Variants in PRR14L observed in about 807,000 individuals in gnomAD.
The protein encoded by PRR14L is protein PRR14L.
A neutral mutation model predicts 155.0 loss-of-function variants in PRR14L; 80 were observed. That is an observed-to-expected ratio of 0.52 (90% CI 0.43 to 0.62). The LOEUF is 0.62. Among genes scored for constraint, PRR14L ranks in the 20% least tolerant of loss-of-function variants. PRR14L has a pLI of 0.00. For missense variants in PRR14L, 2,469 were observed against 2,548.0 expected, an observed-to-expected ratio of 0.97 and a Z score of 0.67; for synonymous variants, 883 against 916.0, an observed-to-expected ratio of 0.96 and a Z score of 0.65.
At chr22:31,697,362 T>A (rs2074540361) in intron 7 of PRR14L, among the ~76,000 whole-genome samples, 1 of 150,856 alleles carries the variant, frequency 6.6e-6, no homozygotes, top group South Asian at 2.1e-4. Context: ...TGATTTCAGG[T>A]ATCTCATGGA....
At position 31,713,388 on chromosome 22, in the gene PRR14L, G is replaced by A; in HGVS notation, c.4451C>T (p.Thr1484Ile). The A allele has an allele frequency of 5.8e-6, 9 of 1,552,016 alleles. No individual in the cohort carries two copies. Among genetic ancestry groups the A allele is most frequent in the Non-Finnish European group, 7.8e-6 (9 of 1,147,058 alleles). Residue 1484 changes from threonine to isoleucine, a missense_variant, in exon 4 of 9, where the codon ACA becomes ATA. Transcript: ENST00000327423. ...AGGGGCACCAAGAAGGCAAGGACTT[G>A]TGCATGACTCAGTGTCCTTCCTTAA... ...HPLRKDTESC[T>I]SPCLLGAPRK... is the part of the protein sequence containing the mutation.
intron 1 of PRR14L, among the ~76,000 whole-genome samples, chr22:31,745,064 TA>T (rs2074830675): frequency 6.6e-6 from 1 of 152,122 alleles, no homozygotes; most frequent in Non-Finnish European, 1.5e-5. Context: ...GAGGTGATAT[TA>T]AATGCAAGCC....
intron 4 of PRR14L, among the ~76,000 whole-genome samples, chr22:31,706,428 C>CT (rs771902267): frequency 0.013 from 1,899 of 142,206 alleles, 68 homozygotes; most frequent in African/African-American, 0.041. Context: ...TAAACTCTTC[C>CT]TTTTTCTTTT....
At chr22:31,738,362 T>G in intron 2 of PRR14L, 25 bp downstream of exon 2, 4 of 1,534,012 alleles carry the variant, frequency 2.6e-6, no homozygotes, top group Non-Finnish European at 3.5e-6. Flanking sequence ...ACTCAACTCT[T>G]CGGAATGGAG....
chr22:31,705,442 C>T (rs560373672), intron 4 of PRR14L, among the ~76,000 whole-genome samples: 2 of 151,572 alleles, frequency 1.3e-5, no homozygotes, highest in Non-Finnish European at 2.9e-5. Context: ...GGTGTGATCT[C>T]GGCTCACTGC....
At chr22:31,712,032 A>G (rs1321156820) in intron 4 of PRR14L, 51 bp downstream of exon 4, 1 of 1,512,910 alleles carries the variant, frequency 6.6e-7, no homozygotes, top group African/African-American at 1.4e-5. Context: ...ATCTCCCCAG[A>G]GACAGGAAGC....
At chr22:31,701,806 A>T in intron 6 of PRR14L, 44 bp from the exon 7 acceptor site, 1 of 1,461,618 alleles carries the variant, frequency 6.8e-7, no homozygotes, top group Non-Finnish European at 9.5e-7. Context: ...GCTGTAAGAC[A>T]TTTTATTTAT....
chr22:31,732,543 C>T (rs1463007676), intron 2 of PRR14L, among the ~76,000 whole-genome samples: 2 of 152,204 alleles, frequency 1.3e-5, no homozygotes, highest in Non-Finnish European at 2.9e-5. Flanking sequence ...ATATTTCATA[C>T]GTGTTGTCAC....
chr22:31,711,616 T>C (rs2074622587), intron 4 of PRR14L, among the ~76,000 whole-genome samples: 1 of 151,342 alleles, frequency 6.6e-6, no homozygotes, highest in Non-Finnish European at 1.5e-5. Context: ...CCCCCGTCTC[T>C]ACTAAAAAAT....
chr22:31,697,006 G>A (rs962083495), intron 7 of PRR14L, among the ~76,000 whole-genome samples: 5 of 152,006 alleles, frequency 3.3e-5, no homozygotes, highest in African/African-American at 1.2e-4. Context: ...TACCAGCTAC[G>A]CGGGGGGCTG....
chr22:31,713,907 G>A lies in PRR14L; in HGVS notation c.3932C>T (p.Ala1311Val), dbSNP rs1296341154. Reference protein sequence around the residue: ...CTCVEKNACKACHPHENSSDR... With the variant: ...CTCVEKNACKVCHPHENSSDR... Reference sequence around the variant, plus strand: ...AGAGGAATTCTCGTGAGGGTGACAAGCTTTGCAAGCATTCTTTTCCACACA... The same window carrying A: ...AGAGGAATTCTCGTGAGGGTGACAAACTTTGCAAGCATTCTTTTCCACACA... The change falls in exon 4 of 9, where the codon GCT (alanine) becomes GTT (valine). Residue 1311 changes from alanine to valine, a missense_variant. By Grantham distance (64) the Ala-to-Val change is moderately conservative (BLOSUM62 0). Transcript: ENST00000327423. 5.2e-6 allele frequency: 8 copies of A among 1,551,944 alleles called. No individual in the cohort carries two copies. The South Asian group carries it at 8.3e-5, about 16-fold the overall frequency.
chr22:31,685,875 G>T, intron 8 of PRR14L, 72 bp from the exon 9 acceptor site: 1 of 1,408,818 alleles, frequency 7.1e-7, no homozygotes, highest in Non-Finnish European at 9.7e-7. Flanking sequence ...GGGTCAGGAT[G>T]TTGACGCTGG....
At position 31,715,533 on chromosome 22, in the gene PRR14L, G is replaced by A. The variant is rs1018300161; in HGVS notation, c.2306C>T (p.Pro769Leu). The A allele has an allele frequency of 2.1e-5, 32 of 1,552,048 alleles. No homozygotes were observed. The highest frequency in any genetic ancestry group is 2.6e-5 in the Non-Finnish European group (30 of 1,147,088). Residue 769 changes from proline to leucine, a missense_variant, in exon 4 of 9, where the codon CCT becomes CTT. Pro to Leu is a moderately conservative substitution (Grantham distance 98). This residue lies in a region of PRR14L where 2,363 missense variants were observed against 2,371.6 expected (regional missense o/e 1.00). Coordinates refer to ENST00000327423, the MANE Select transcript of PRR14L (RefSeq NM_173566.3). ...RSNKREAAGF[P>L]QVVSVIECHS... Reference sequence around the variant, plus strand: ...ACATTCTATGACAGAGACCACTTGAGGAAAGCCAGCTGCTTCTCTCTTATT... The same window carrying A: ...ACATTCTATGACAGAGACCACTTGAAGAAAGCCAGCTGCTTCTCTCTTATT...
chr22:31,712,764 G>A lies in PRR14L; in HGVS notation c.5075C>T (p.Ser1692Phe). ...GAAGGTCATCTTGATGGATTCGAGA[G>A]AATAAAGTGCCATGGGCTTACTGTT... ...RPNSKPMALY[S>F]LESIKMTFID... Residue 1692 changes from serine to phenylalanine, a missense_variant, in exon 4 of 9, where the codon TCT (serine) becomes TTT (phenylalanine). Physicochemically the swap from Ser to Phe is radical, Grantham distance 155. This residue lies in a region of PRR14L where 2,363 missense variants were observed against 2,371.6 expected (regional missense o/e 1.00). Coordinates refer to ENST00000327423, the MANE Select transcript of PRR14L (RefSeq NM_173566.3). 6.4e-7 allele frequency: 1 copy of A among 1,551,922 alleles called. No individual in the cohort carries two copies. Among genetic ancestry groups the A allele is most frequent in the Non-Finnish European group, 8.7e-7 (1 of 1,147,052 alleles).
Position 31,712,425 on chromosome 22 carries a change from C to T in PRR14L, c.5414G>A (p.Gly1805Asp). ...TGCTCTGGTCTGGACTATGGCAGTG[C>T]CTCCATAGTCTTGGAGAGGAGCTGG... ...QPPAPLQDYG[G>D]TAIVQTRADC... Residue 1805 changes from glycine (G) to aspartate (D), a missense_variant, in exon 4 of 9, where the codon GGC (glycine) becomes GAC (aspartate). This residue lies in a region of PRR14L where 2,363 missense variants were observed against 2,371.6 expected (regional missense o/e 1.00). Transcript: ENST00000327423. The T allele has an allele frequency of 6.4e-7, 1 of 1,570,052 alleles. No individual in the cohort carries two copies. Among genetic ancestry groups the T allele is most frequent in the African/African-American group, 1.4e-5 (1 of 73,786 alleles).
rs1569498888 is a variant in PRR14L at position 31,715,380 on chromosome 22, A to G, written c.2459T>C (p.Leu820Ser). The G allele has an allele frequency of 2.6e-6, 4 of 1,552,180 alleles. No homozygotes were observed. The highest frequency in any genetic ancestry group is 3.5e-6 in the Non-Finnish European group (4 of 1,147,086). ...SKISLQVDNS[L>S]ITKYENAFQH... ...AAATGCATTTTCATATTTTGTTATC[A>G]AAGAGTTATCAACTTGCAGGCTGAT... Residue 820 changes from leucine (L) to serine (S), a missense_variant, in exon 4 of 9, where the codon TTG becomes TCG. Around this residue, in one of 2 missense-constraint regions of PRR14L, gnomAD observed 2,363 missense variants for 2,371.6 expected, o/e 1.00. Transcript: ENST00000327423.
chr22:31,714,815 T>A lies in PRR14L; in HGVS notation c.3024A>T (p.Val1008=), dbSNP rs553788577. ...RETVTEPHGE[V]NHNQKDLLVS... is the part of the protein sequence containing the mutation. Reference sequence around the variant, plus strand: ...CCAGCAGATCCTTTTGGTTGTGGTTTACCTCCCCGTGAGGCTCGGTGACAG... The same window carrying A: ...CCAGCAGATCCTTTTGGTTGTGGTTAACCTCCCCGTGAGGCTCGGTGACAG... Residue 1008 remains valine, a synonymous_variant, in exon 4 of 9, where the codon GTA becomes GTT. Transcript: ENST00000327423. 106 of 1,552,212 alleles carry A rather than the reference T, an allele frequency of 6.8e-5. No homozygotes were observed. In the East Asian group the frequency reaches 2.2e-3, roughly 32 times the overall value.
Position 31,681,639 on chromosome 22 carries a change from T to C in PRR14L, c.*3888A>G, listed in dbSNP as rs1050016190. 6.6e-6 allele frequency: 1 copy of C among 152,098 alleles called. No individual in the cohort carries two copies. The highest frequency in any genetic ancestry group is 1.5e-5 in the Non-Finnish European group (1 of 68,040). 9.4% of individuals were successfully genotyped at this position (152,098 alleles called of 1,614,324 possible). On this transcript the variant is annotated 3_prime_UTR_variant, in exon 9 of 9. Coordinates refer to ENST00000327423, the MANE Select transcript of PRR14L (RefSeq NM_173566.3). ...TGTGAAGACACACAATCAACAAACA[T>C]GGAATCTGAGAGCACACTGCACTAG...
At chr22:31,688,098 A>C in intron 8 of PRR14L, 58 bp downstream of exon 8, 1 of 1,498,854 alleles carries the variant, frequency 6.7e-7, no homozygotes, top group East Asian at 2.3e-5. Context: ...AAAGGGCTGG[A>C]GATTCACATC....
Sources: allele counts gnomAD v4.1 joint callset (sites outside exome capture counted in the v4.1 genomes callset), GRCh38; gene constraint gnomAD v4.1.1; regional missense constraint gnomAD v4.1.1; transcripts MANE v1.5; gene names NCBI Gene and HGNC (gene_info 2026-07-23, HGNC 2026-07-21).